GXYLT1: variants seen among roughly 807,000 people sequenced by gnomAD.
GXYLT1 encodes glycosyltransferase 8 domain containing 3.
A neutral mutation model predicts 54.0 loss-of-function variants in GXYLT1; 29 were observed. That is an observed-to-expected ratio of 0.54 (90% CI 0.40 to 0.73). The LOEUF (loss-of-function observed/expected upper bound fraction) is 0.73, where lower values mean the gene tolerates loss of function less well. GXYLT1 is among the 30% of genes least tolerant of loss of function. GXYLT1 has a pLI of 0.00. For missense variants in GXYLT1, 490 were observed against 553.4 expected, an observed-to-expected ratio of 0.89 and a Z score of 1.15; for synonymous variants, 176 against 204.1, an observed-to-expected ratio of 0.86 and a Z score of 1.17.
chr12:42,119,214 T>C lies in GXYLT1; in HGVS notation c.315-43A>G, dbSNP rs1399509489. On this transcript the variant is annotated intron_variant, in intron 2 of 7. Coordinates refer to ENST00000398675, the MANE Select transcript of GXYLT1 (RefSeq NM_173601.2). ...CACATTTTTCAACAGTTTTAGTATA[T>C]GTTTACAATGTGTACTTTCATCATG... The C allele has an allele frequency of 2.1e-6, 3 of 1,416,590 alleles. No individual in the cohort carries two copies. The African/African-American group carries it at 4.4e-5, about 21-fold the overall frequency. 87.8% of individuals were successfully genotyped at this position (1,416,590 alleles called of 1,614,324 possible).
rs1364495232 is a variant in GXYLT1, at chr12:42,144,525, G to C, written c.122C>G (p.Pro41Arg). ...GAGCCAGGAAGCCACCGCGGCCTGC[G>C]GCTTCCCGCCACCGCCGCCCGTTCC... is the stretch of plus-strand genomic sequence containing the variant. Reference protein sequence around the residue: ...EEGTGGGGGKPQAAVASWLAG... With the variant: ...EEGTGGGGGKRQAAVASWLAG... The change falls in exon 1 of 8, where the codon CCG (proline) becomes CGG (arginine). Residue 41 changes from proline (P) to arginine (R), a missense_variant. By Grantham distance (103) the Pro-to-Arg change is moderately radical. Around this residue, in one of 2 missense-constraint regions of GXYLT1, gnomAD observed 148 missense variants for 210.7 expected, o/e 0.70. Transcript: ENST00000398675. 2 of 1,422,548 alleles carry C rather than the reference G, an allele frequency of 1.4e-6. No homozygotes were observed. Among genetic ancestry groups the C allele is most frequent in the Non-Finnish European group, 9.2e-7 (1 of 1,084,694 alleles). 88.1% of individuals were successfully genotyped at this position (1,422,548 alleles called of 1,614,324 possible).
intron 2 of GXYLT1, among the ~76,000 whole-genome samples, chr12:42,124,159 A>G (rs1049821779): frequency 6.6e-6 from 1 of 151,938 alleles, no homozygotes; most frequent in South Asian, 2.1e-4. Flanking sequence ...TATATCTCTT[A>G]AAACTGGTAT....
At chr12:42,118,813 T>C (rs753926879) in intron 3 of GXYLT1, among the ~76,000 whole-genome samples, 187 bp downstream of exon 3, 1 of 152,336 alleles carries the variant, frequency 6.6e-6, no homozygotes, top group Non-Finnish European at 1.5e-5. Flanking sequence ...CCTTCTGCCA[T>C]GATTCTAAGT....
chr12:42,120,529 CTT>C (rs200306276), intron 2 of GXYLT1, among the ~76,000 whole-genome samples: 7 of 151,882 alleles, frequency 4.6e-5, no homozygotes, highest in Non-Finnish European at 7.4e-5. Context: ...GGTCTTTTTA[CTT>C]TTTTTTCCTT....
chr12:42,097,671 C>A, intron 6 of GXYLT1, 57 bp from the exon 7 acceptor site: 2 of 1,436,704 alleles, frequency 1.4e-6, no homozygotes, highest in South Asian at 2.5e-5. Flanking sequence ...ACAGATGTAA[C>A]ATTATGCAAA....
intron 1 of GXYLT1, among the ~76,000 whole-genome samples, chr12:42,131,608 G>GCA (rs1402872890): frequency 2.0e-5 from 3 of 152,182 alleles, no homozygotes; most frequent in Non-Finnish European, 4.4e-5. Flanking sequence ...TTCTAGCATA[G>GCA]CACAAAAGGC....
At chr12:42,095,014 C>CA (rs397950839) in intron 7 of GXYLT1, among the ~76,000 whole-genome samples, 1 of 150,758 alleles carries the variant, frequency 6.6e-6, no homozygotes, top group East Asian at 1.9e-4. Context: ...AATTCACCCC[C>CA]AAAAAGATAT....
Position 42,088,827 on chromosome 12 carries a change from C to A in GXYLT1, c.1162-880G>T, listed in dbSNP as rs1272156238. Among the ~76,000 whole-genome samples the A allele has an allele frequency of 2.0e-5, 3 of 149,910 alleles. No individual in the cohort carries two copies. In the Admixed American group the frequency reaches 2.0e-4, roughly 10 times the overall value. The stretch of plus-strand genomic sequence containing the variant: ...GCAAAATCACAAAGGAAATTCAGAA[C>A]CAGAAATCTCCCAGGTTATCCCTGA... On this transcript the variant is annotated intron_variant, in intron 7 of 7. Coordinates refer to ENST00000398675, the MANE Select transcript of GXYLT1 (RefSeq NM_173601.2).
chr12:42,133,107 G>A lies in GXYLT1; in HGVS notation c.222-3256C>T, dbSNP rs969646919. Among the ~76,000 whole-genome samples, 9 of 152,048 alleles carry A rather than the reference G, an allele frequency of 5.9e-5. No homozygotes were observed. The South Asian group carries it at 6.2e-4, about 11-fold the overall frequency. ...AGAATGGCCTGGCCAACATGGTGAA[G>A]CCCCATCTCTAATAAAAAAAATCAG... On this transcript the variant is annotated intron_variant, in intron 1 of 7. Coordinates refer to ENST00000398675, the MANE Select transcript of GXYLT1 (RefSeq NM_173601.2).
At chr12:42,141,238 G>C (rs2065650904) in intron 1 of GXYLT1, among the ~76,000 whole-genome samples, 1 of 152,160 alleles carries the variant, frequency 6.6e-6, no homozygotes, top group Non-Finnish European at 1.5e-5. Flanking sequence ...TTTGAGATTA[G>C]AGAATAAAAC....
intron 1 of GXYLT1, among the ~76,000 whole-genome samples, chr12:42,130,743 G>C (rs886111106): frequency 1.3e-5 from 2 of 152,062 alleles, no homozygotes; most frequent in African/African-American, 4.8e-5. Context: ...TTGAGGCTAG[G>C]AGTTCAAGAT....
chr12:42,101,347 A>G (rs1200754429), intron 5 of GXYLT1, among the ~76,000 whole-genome samples: 1 of 152,196 alleles, frequency 6.6e-6, no homozygotes, highest in East Asian at 1.9e-4. Flanking sequence ...AGAAAATATG[A>G]ATTTTAAAAT....
At position 42,113,393 on chromosome 12, in the gene GXYLT1, C is replaced by T. The variant is rs548961296; in HGVS notation, c.487-3702G>A. Among the ~76,000 whole-genome samples, 8 of 151,000 alleles carry T rather than the reference C, an allele frequency of 5.3e-5. No individual in the cohort carries two copies. In the East Asian group the frequency reaches 5.8e-4, roughly 11 times the overall value. On this transcript the variant is annotated intron_variant, in intron 3 of 7. Transcript: ENST00000398675. ...TGCTGTATTCAGGAAACCCATCTCA[C>T]GGGCAGAGACACACATAGGCTCAAA...
At chr12:42,106,985 G>T (rs190654464) in intron 4 of GXYLT1, among the ~76,000 whole-genome samples, 1 of 151,948 alleles carries the variant, frequency 6.6e-6, no homozygotes, top group African/African-American at 2.4e-5. Flanking sequence ...GACCTCAAAT[G>T]ATTCACCCAT....
intron 4 of GXYLT1, 44 bp downstream of exon 4, chr12:42,109,522 T>TAAA: frequency 2.3e-6 from 3 of 1,301,492 alleles, no homozygotes; most frequent in Admixed American, 3.6e-5. Context: ...AGGTTCAAAT[T>TAAA]TAAAAAAAAA....
At chr12:42,116,139 T>C (rs1342473896) in intron 3 of GXYLT1, among the ~76,000 whole-genome samples, 1 of 151,944 alleles carries the variant, frequency 6.6e-6, no homozygotes, top group African/African-American at 2.4e-5. Context: ...TCAAGATGGA[T>C]TAAAGACTTA....
intron 7 of GXYLT1, among the ~76,000 whole-genome samples, chr12:42,096,088 T>C (rs1383870779): frequency 1.3e-5 from 2 of 152,070 alleles, no homozygotes; most frequent in Non-Finnish European, 2.9e-5. Context: ...AAAGAAGATA[T>C]AATATAGAGT....
intron 3 of GXYLT1, among the ~76,000 whole-genome samples, chr12:42,117,750 G>T (rs2065505720): frequency 6.6e-6 from 1 of 152,068 alleles, no homozygotes; most frequent in Non-Finnish European, 1.5e-5. Context: ...GCCTCTATCT[G>T]TTCTCTTATT....
At chr12:42,131,271 A>G (rs2065592584) in intron 1 of GXYLT1, among the ~76,000 whole-genome samples, 1 of 152,226 alleles carries the variant, frequency 6.6e-6, no homozygotes, top group Admixed American at 6.5e-5. Flanking sequence ...TTATCTCATC[A>G]CTATGCAGCT....
Sources: allele counts gnomAD v4.1 joint callset (sites outside exome capture counted in the v4.1 genomes callset), GRCh38; gene constraint gnomAD v4.1.1; regional missense constraint gnomAD v4.1.1; transcripts MANE v1.5; gene names NCBI Gene and HGNC (gene_info 2026-07-23, HGNC 2026-07-21).